Variants in FHAD1 observed in about 807,000 individuals in gnomAD.
FHAD1 encodes forkhead-associated domain-containing protein 1.
In FHAD1, 146 loss-of-function variants were observed where a neutral mutation model predicts 191.3. The observed-to-expected ratio is 0.76, with a 90% confidence interval of 0.67 to 0.88. The LOEUF (loss-of-function observed/expected upper bound fraction) is 0.88, where lower values mean the gene tolerates loss of function less well. FHAD1 is among the 40% of genes least tolerant of loss of function. FHAD1 has a pLI of 0.00. For missense variants in FHAD1, 1,635 were observed against 1,785.8 expected (o/e 0.92, Z 1.52); for synonymous variants, 616 against 672.3 (o/e 0.92, Z 1.29).
intron 3 of FHAD1, among the ~76,000 whole-genome samples, chr1:15,284,882 A>T (rs1382701806): frequency 6.6e-6 from 1 of 152,160 alleles, no homozygotes; most frequent in African/African-American, 2.4e-5. Context: ...AGAAAAAACC[A>T]CCACGCCACA....
chr1:15,401,803 C>G (rs536314828), downstream of FHAD1, among the ~76,000 whole-genome samples: 1 of 152,316 alleles, frequency 6.6e-6, no homozygotes, highest in South Asian at 2.1e-4. Flanking sequence ...TGGAGGGCAC[C>G]AGTGAGGCTA....
chr1:15,293,949 C>T (rs1052397444), intron 4 of FHAD1, among the ~76,000 whole-genome samples: 3 of 152,194 alleles, frequency 2.0e-5, no homozygotes, highest in Admixed American at 2.0e-4. Flanking sequence ...GCTTTGAGGC[C>T]CTCAGATCTG....
intron 28 of FHAD1, among the ~76,000 whole-genome samples, chr1:15,378,946 T>C (rs1487923001): frequency 6.6e-6 from 1 of 152,088 alleles, no homozygotes; most frequent in Non-Finnish European, 1.5e-5. Context: ...TGGCTGGGGC[T>C]TTCAGCAAGC....
chr1:15,347,706 C>T (rs535132695), intron 18 of FHAD1, among the ~76,000 whole-genome samples: 1 of 152,356 alleles, frequency 6.6e-6, no homozygotes, highest in South Asian at 2.1e-4. Context: ...GCCTTGGCCT[C>T]CCAAAGTGCT....
At chr1:15,372,349 T>C (rs2102855522) in intron 26 of FHAD1, among the ~76,000 whole-genome samples, 1 of 152,316 alleles carries the variant, frequency 6.6e-6, no homozygotes, top group South Asian at 2.1e-4. Flanking sequence ...GCCGGGGATG[T>C]GTCATACAGG....
At chr1:15,384,989 C>A (rs184281122) in intron 31 of FHAD1, among the ~76,000 whole-genome samples, 1 of 152,158 alleles carries the variant, frequency 6.6e-6, no homozygotes, top group Non-Finnish European at 1.5e-5. Context: ...ACTCATCCCC[C>A]CTATTCCTTT....
intron 14 of FHAD1, among the ~76,000 whole-genome samples, chr1:15,336,922 TCC>T (rs1371578313): frequency 6.6e-6 from 1 of 152,172 alleles, no homozygotes; most frequent in African/African-American, 2.4e-5. Context: ...CCAACTCCTA[TCC>T]CTAACGAGGG....
intron 6 of FHAD1, among the ~76,000 whole-genome samples, chr1:15,304,305 G>A (rs1018689884): frequency 6.6e-6 from 1 of 152,236 alleles, no homozygotes; most frequent in Non-Finnish European, 1.5e-5. Context: ...TTATTACACA[G>A]TGTAATAGGC....
intron 22 of FHAD1, among the ~76,000 whole-genome samples, chr1:15,361,004 T>C (rs1570223018): frequency 1.3e-5 from 2 of 152,310 alleles, no homozygotes; most frequent in South Asian, 4.1e-4. Context: ...GGAATCATCT[T>C]TTCCACATGA....
intron 18 of FHAD1, among the ~76,000 whole-genome samples, chr1:15,346,789 A>C (rs1689071966): frequency 6.6e-6 from 1 of 152,184 alleles, no homozygotes; most frequent in South Asian, 2.1e-4. Context: ...ACAAGTTCAA[A>C]TCCGAGCTGG....
chr1:15,361,528 C>T (rs1167959012), intron 22 of FHAD1, among the ~76,000 whole-genome samples: 2 of 144,024 alleles, frequency 1.4e-5, no homozygotes, highest in Non-Finnish European at 3.1e-5. Context: ...CTCGGTGGAG[C>T]TTCTGTTATG....
At chr1:15,293,994 G>A (rs1274291363) in intron 4 of FHAD1, among the ~76,000 whole-genome samples, 1 of 152,180 alleles carries the variant, frequency 6.6e-6, no homozygotes, top group Non-Finnish European at 1.5e-5. Flanking sequence ...CCACCGGGGT[G>A]TCATCTGGGT....
At chr1:15,298,045 A>G (rs1025565986) in intron 5 of FHAD1, among the ~76,000 whole-genome samples, 6 of 152,196 alleles carry the variant, frequency 3.9e-5, no homozygotes, top group Non-Finnish European at 8.8e-5. Flanking sequence ...CCCAGAGGAA[A>G]AACAGTCATT....
chr1:15,341,758 A>T lies in FHAD1; in HGVS notation c.2000A>T (p.Glu667Val). Reference sequence around the variant, plus strand: ...CAGATCAAGTTCAACAGTTCTCAGGAAACTCAGCAGTCTTTACTGCAGGAA... The same window carrying T: ...CAGATCAAGTTCAACAGTTCTCAGGTAACTCAGCAGTCTTTACTGCAGGAA... ...ELQIKFNSSQ[E>V]TQQSLLQEKL... The change falls in exon 16 of 34, where the codon GAA becomes GTA. Residue 667 changes from glutamate (E) to valine (V), a missense_variant. Physicochemically the swap from Glu to Val is moderately radical, Grantham distance 121. Coordinates refer to ENST00000688493, the MANE Select transcript of FHAD1 (RefSeq NM_001391957.1). 1 of 1,551,150 alleles carries T rather than the reference A, an allele frequency of 6.4e-7. No homozygotes were observed. Among genetic ancestry groups the T allele is most frequent in the Non-Finnish European group, 8.7e-7 (1 of 1,146,656 alleles).
chr1:15,260,574 G>A (rs1382131190), intron 2 of FHAD1, among the ~76,000 whole-genome samples: 2 of 152,176 alleles, frequency 1.3e-5, no homozygotes, highest in African/African-American at 2.4e-5. Flanking sequence ...AATTTAGCTC[G>A]ATGCTGCTAT....
At chr1:15,380,598 T>C (rs1440464305) in intron 28 of FHAD1, 103 bp from the exon 29 acceptor site, 4 of 899,316 alleles carry the variant, frequency 4.4e-6, no homozygotes, top group African/African-American at 1.7e-5. Flanking sequence ...GAAAATCAAC[T>C]CTCTTGAGTT....
chr1:15,383,238 C>T lies in FHAD1; in HGVS notation c.4188+1045C>T, dbSNP rs1428380196. 6 of 470,484 alleles carry T rather than the reference C, an allele frequency of 1.3e-5. No homozygotes were observed. In the East Asian group the frequency reaches 2.1e-4, roughly 16 times the overall value. 29.1% of individuals were successfully genotyped at this position (470,484 alleles called of 1,614,324 possible). On this transcript the variant is annotated intron_variant, in intron 31 of 33. Transcript: ENST00000688493. ...GGCATCCCTCGCTATCTGCTGTCCA[C>T]TCTCGCTGTCGTCATACCTCAGGAG...
At chr1:15,383,701 G>A in intron 31 of FHAD1, 1 of 304,920 alleles carries the variant, frequency 3.3e-6, no homozygotes, top group Non-Finnish European at 6.6e-6. Context: ...GTTTCTTCAT[G>A]ACCGTCTCCA....
chr1:15,383,147 C>T (rs909327474), intron 31 of FHAD1: 5 of 471,542 alleles, frequency 1.1e-5, no homozygotes, highest in African/African-American at 8.0e-5. Flanking sequence ...GCCTTGCTTT[C>T]CTCATTAGTA....
Sources: gnomAD v4.1 joint callset for allele counts (sites outside exome capture counted in the v4.1 genomes callset) on GRCh38, gnomAD v4.1.1 for gene constraint, MANE v1.5 for transcripts, NCBI Gene and HGNC (gene_info 2026-07-23, HGNC 2026-07-21) for gene names.